Variants in HS3ST4 observed in about 807,000 individuals in gnomAD.
HS3ST4 encodes heparan sulfate-glucosamine 3-sulfotransferase 4.
HS3ST4 carries 17 observed loss-of-function variants against 29.2 expected under a neutral mutation model. That is an observed-to-expected ratio of 0.58 (90% confidence interval 0.40 to 0.87). The LOEUF is 0.87. Among genes scored for constraint, HS3ST4 ranks in the 40% least tolerant of loss-of-function variants. HS3ST4 has a pLI of 0.00. For synonymous variants in HS3ST4, 314 were observed against 285.7 expected, an observed-to-expected ratio of 1.10 and a Z score of -1.00; for missense variants, 627 against 634.5, an observed-to-expected ratio of 0.99 and a Z score of 0.13.
At chr16:26,128,541 G>A (rs1000041707) in intron 1 of HS3ST4, among the ~76,000 whole-genome samples, 1 of 152,164 alleles carries the variant, frequency 6.6e-6, no homozygotes, top group African/African-American at 2.4e-5. Context: ...TACAGATCCT[G>A]TTCTTGGGTT....
chr16:26,099,761 G>A (rs192675999), intron 1 of HS3ST4, among the ~76,000 whole-genome samples: 29 of 152,208 alleles, frequency 1.9e-4, no homozygotes, highest in South Asian at 6.2e-4. Context: ...TCTAGTAGGC[G>A]TGGCAGACAA....
rs34078514 is a variant in HS3ST4, at chr16:25,978,942, G to GTTTTTT, written c.735-156660_735-156655dup. Reference sequence around the variant, plus strand: ...TCTTTGACTTGTTCTTTCTCTTTTTGTTTTTTTTTTTTTTTGAGACGAGTT... The same window carrying GTTTTTT: ...TCTTTGACTTGTTCTTTCTCTTTTTGTTTTTTTTTTTTTTTTTTTTTGAGACGAGTT... On this transcript the variant is annotated intron_variant, in intron 1 of 1. Coordinates refer to ENST00000331351, the MANE Select transcript of HS3ST4 (RefSeq NM_006040.3). 1.1e-4 allele frequency among the ~76,000 whole-genome samples: 14 copies of GTTTTTT among 132,256 alleles called. 1 individual carries two copies. Among genetic ancestry groups the GTTTTTT allele is most frequent in the South Asian group, 2.4e-4 (1 of 4,164 alleles). The allele number at this position is 132,256 out of a possible 152,430, so 86.8% of individuals were successfully genotyped here. A position where few individuals can be genotyped will look rare whatever the true frequency, so the allele number is the denominator to read the frequency against.
chr16:25,737,453 A>C (rs978282322), intron 1 of HS3ST4, among the ~76,000 whole-genome samples: 1 of 152,230 alleles, frequency 6.6e-6, no homozygotes, highest in Non-Finnish European at 1.5e-5. Flanking sequence ...ATGTGAGTAA[A>C]ATTGGAGGCC....
At position 26,120,246 on chromosome 16, in the gene HS3ST4, A is replaced by G. The variant is rs139267188; in HGVS notation, c.735-15366A>G. Among the ~76,000 whole-genome samples the G allele has an allele frequency of 7.9e-3, 1,197 of 152,270 alleles. 39 individuals are homozygous for G. Among genetic ancestry groups the G allele is most frequent in the Non-Finnish European group, 4.2e-3 (286 of 68,014 alleles). On this transcript the variant is annotated intron_variant, in intron 1 of 1. Transcript: ENST00000331351. ...TATCCATCATTTCTCCCTCTGTTAT[A>G]TGATCAGACTGATTGGTTTAAAAAT...
intron 1 of HS3ST4, among the ~76,000 whole-genome samples, chr16:25,936,617 A>G (rs183564344): frequency 9.2e-5 from 14 of 152,384 alleles, no homozygotes; most frequent in South Asian, 2.1e-4. Flanking sequence ...CTGAAAATAC[A>G]TAGATGGTTA....
At chr16:25,726,700 A>G (rs1470197239) in intron 1 of HS3ST4, among the ~76,000 whole-genome samples, 1 of 152,208 alleles carries the variant, frequency 6.6e-6, no homozygotes, top group African/African-American at 2.4e-5. Context: ...TCAGTCACAG[A>G]TGAAATTCGT....
chr16:25,915,800 A>G (rs1004162055), intron 1 of HS3ST4, among the ~76,000 whole-genome samples: 2 of 152,214 alleles, frequency 1.3e-5, no homozygotes, highest in African/African-American at 2.4e-5. Flanking sequence ...TAGTGGTTCA[A>G]TAGTCTGGGC....
chr16:25,804,551 T>C (rs866027740), intron 1 of HS3ST4, among the ~76,000 whole-genome samples: 1 of 152,346 alleles, frequency 6.6e-6, no homozygotes, highest in South Asian at 2.1e-4. Context: ...GCAGATGGTA[T>C]CTAAAATTTC....
chr16:25,916,961 G>A (rs1968299583), intron 1 of HS3ST4, among the ~76,000 whole-genome samples: 1 of 152,198 alleles, frequency 6.6e-6, no homozygotes, highest in Admixed American at 6.6e-5. Flanking sequence ...TTACAGGCAT[G>A]ATCCACCACG....
chr16:26,035,455 A>T (rs1424353788), intron 1 of HS3ST4, among the ~76,000 whole-genome samples: 1 of 152,218 alleles, frequency 6.6e-6, no homozygotes, highest in Non-Finnish European at 1.5e-5. Flanking sequence ...GCTCTTCACA[A>T]ATCCCTTTGC....
chr16:26,018,974 C>G (rs1393750210), intron 1 of HS3ST4, among the ~76,000 whole-genome samples: 1 of 152,160 alleles, frequency 6.6e-6, no homozygotes, highest in Non-Finnish European at 1.5e-5. Context: ...TGTTACCTGC[C>G]TGGCTCCTGC....
chr16:25,840,202 G>A (rs1019835443), intron 1 of HS3ST4, among the ~76,000 whole-genome samples: 1 of 152,106 alleles, frequency 6.6e-6, no homozygotes, highest in African/African-American at 2.4e-5. Flanking sequence ...GGTTCCTGTC[G>A]ACAATTTTCC....
intron 1 of HS3ST4, among the ~76,000 whole-genome samples, chr16:25,753,757 G>A (rs77128082): frequency 0.025 from 3,855 of 152,138 alleles, 163 homozygotes; most frequent in East Asian, 0.17. Context: ...TGTCTTTTAT[G>A]CCACAAGGCC....
chr16:25,716,966 A>G (rs888711093), intron 1 of HS3ST4, among the ~76,000 whole-genome samples: 2 of 152,118 alleles, frequency 1.3e-5, no homozygotes, highest in African/African-American at 4.8e-5. Context: ...AGGCAGGAGA[A>G]TCACTTGAAC....
At chr16:25,883,571 G>A (rs1967916380) in intron 1 of HS3ST4, among the ~76,000 whole-genome samples, 1 of 152,146 alleles carries the variant, frequency 6.6e-6, no homozygotes, top group East Asian at 1.9e-4. Context: ...CTTTTGGAGA[G>A]GACTAGGTGT....
chr16:25,725,336 C>G (rs964857802), intron 1 of HS3ST4, among the ~76,000 whole-genome samples: 2 of 152,118 alleles, frequency 1.3e-5, no homozygotes, highest in African/African-American at 4.8e-5. Context: ...CGAAAAATAG[C>G]CTTTCTTCCC....
intron 1 of HS3ST4, among the ~76,000 whole-genome samples, chr16:26,105,525 A>G (rs1219000547): frequency 6.6e-6 from 1 of 152,238 alleles, no homozygotes; most frequent in East Asian, 1.9e-4. Context: ...AATCTTTCCA[A>G]TGTGTAAGTC....
intron 1 of HS3ST4, among the ~76,000 whole-genome samples, chr16:26,080,649 C>A (rs1898713834): frequency 6.6e-6 from 1 of 152,170 alleles, no homozygotes; most frequent in African/African-American, 2.4e-5. Flanking sequence ...CTCAGGGCTA[C>A]TCCAGCCAAG....
intron 1 of HS3ST4, among the ~76,000 whole-genome samples, chr16:25,814,407 C>G (rs563389976): frequency 6.6e-6 from 1 of 151,856 alleles, no homozygotes; most frequent in Non-Finnish European, 1.5e-5. Flanking sequence ...AGTGCAGTGG[C>G]GCAATATCAG....
Sources: gnomAD v4.1 joint callset for allele counts (sites outside exome capture counted in the v4.1 genomes callset) on GRCh38, gnomAD v4.1.1 for gene constraint, MANE v1.5 for transcripts, NCBI Gene and HGNC (gene_info 2026-07-23, HGNC 2026-07-21) for gene names.